The following ITPR1 variants were observed in gnomAD, a reference collection of about 807,000 sequenced individuals.
ITPR1 encodes the protein inositol 1,4,5-trisphosphate receptor type 1, also known as inositol 1,4,5-trisphosphate-gated calcium channel ITPR1.
Under a neutral mutation model 318.4 loss-of-function variants are expected in ITPR1, and 96 were observed. The observed-to-expected ratio is 0.30, with a 90% CI of 0.26 to 0.36. The LOEUF is 0.36. ITPR1 is among the 10% of genes least tolerant of loss of function. The pLI is 1.00. For synonymous variants in ITPR1, 1,312 were observed against 1,289.9 expected (o/e 1.02, Z -0.37); for missense variants, 2,440 against 3,460.2 (o/e 0.71, Z 7.40).
At chr3:4,598,756 T>C (rs1241871846) in intron 4 of ITPR1, among the ~76,000 whole-genome samples, 1 of 152,254 alleles carries the variant, frequency 6.6e-6, no homozygotes, top group Non-Finnish European at 1.5e-5. Context: ...TGTCCCAATG[T>C]AGTTTTCCAA....
At chr3:4,531,101 C>T (rs1262926532) in intron 4 of ITPR1, among the ~76,000 whole-genome samples, 1 of 152,090 alleles carries the variant, frequency 6.6e-6, no homozygotes, top group African/African-American at 2.4e-5. Context: ...GCACCCTGAA[C>T]CCACAGAGGG....
At chr3:4,727,069 CAGATGGT>C in intron 41 of ITPR1, 50 bp from the exon 42 acceptor site, 1 of 1,289,652 alleles carries the variant, frequency 7.8e-7, no homozygotes, top group Non-Finnish European at 1.1e-6. Context: ...ACTGATGCTG[CAGATGGT>C]AGTGTCTCCT....
Position 4,735,223 on chromosome 3 carries a change from T to C in ITPR1, c.5413T>C (p.Cys1805Arg), listed in dbSNP as rs1377176027. The C allele has an allele frequency of 2.5e-6, 4 of 1,613,982 alleles. No individual in the cohort carries two copies. The highest frequency in any genetic ancestry group is 1.7e-5 in the Admixed American group (1 of 60,024). The change falls in exon 44 of 62, where the codon TGT becomes CGT. Residue 1805 changes from cysteine (C) to arginine (R), a missense_variant. Around this residue, in one of 23 missense-constraint regions of ITPR1, gnomAD observed 80 missense variants for 122.0 expected, o/e 0.66. Coordinates refer to ENST00000649015, the MANE Select transcript of ITPR1 (RefSeq NM_001378452.1). ...TGAGATGAGTCTGGCCGAGGTTCAG[T>C]GTCACCTTGACAAGGAGGGGGCTTC... Reference protein sequence around the residue: ...RGEMSLAEVQCHLDKEGASNL... With the variant: ...RGEMSLAEVQRHLDKEGASNL...
At chr3:4,512,965 G>C (rs553331492) in intron 2 of ITPR1, among the ~76,000 whole-genome samples, 1 of 151,594 alleles carries the variant, frequency 6.6e-6, no homozygotes, top group Admixed American at 6.6e-5. Context: ...CCGAGCCCTC[G>C]GTGTCTGTAA....
chr3:4,592,057 C>T (rs1013927322), intron 4 of ITPR1, among the ~76,000 whole-genome samples: 3 of 152,106 alleles, frequency 2.0e-5, no homozygotes, highest in Non-Finnish European at 4.4e-5. Flanking sequence ...TAATTCCGAG[C>T]TGGGGTTCCG....
At chr3:4,647,368 C>G (rs998246198) in intron 10 of ITPR1, among the ~76,000 whole-genome samples, 1 of 152,196 alleles carries the variant, frequency 6.6e-6, no homozygotes, top group Non-Finnish European at 1.5e-5. Context: ...TATTTGTACA[C>G]AAGTTTCTGT....
At chr3:4,751,937 C>T (rs1357787851) in intron 44 of ITPR1, among the ~76,000 whole-genome samples, 1 of 152,192 alleles carries the variant, frequency 6.6e-6, no homozygotes, top group Admixed American at 6.5e-5. Context: ...CTCCTTTTCA[C>T]GGAGAAATCT....
At position 4,645,789 on chromosome 3, in the gene ITPR1, C is replaced by CTT. The variant is rs761572446; in HGVS notation, c.855+62_855+63insTT. 2.1e-6 allele frequency: 3 copies of CTT among 1,459,654 alleles called. No individual in the cohort carries two copies. The African/African-American group carries it at 4.2e-5, about 20-fold the overall frequency. The allele number at this position is 1,459,654 out of a possible 1,614,324, so 90.4% of individuals were successfully genotyped here. A position where few individuals can be genotyped will look rare whatever the true frequency, so the allele number is the denominator to read the frequency against. ...GAGGATATCAGCCTGTATATAGGCT[C>CTT]TCTCTCTCTCTATCCTACAAATATT... On this transcript the variant is annotated intron_variant, in intron 10 of 61. Transcript: ENST00000649015.
At chr3:4,564,268 A>C (rs921692381) in intron 4 of ITPR1, among the ~76,000 whole-genome samples, 1 of 152,050 alleles carries the variant, frequency 6.6e-6, no homozygotes, top group African/African-American at 2.4e-5. Context: ...AAGGCATAGG[A>C]AGAAATCCGT....
chr3:4,784,886 G>A (rs928273904), intron 51 of ITPR1, among the ~76,000 whole-genome samples: 1 of 151,966 alleles, frequency 6.6e-6, no homozygotes, highest in Non-Finnish European at 1.5e-5. Flanking sequence ...GACAGAGCAA[G>A]CTGTCTCAAA....
At chr3:4,811,535 C>A in intron 56 of ITPR1, 75 bp downstream of exon 56, 2 of 1,229,172 alleles carry the variant, frequency 1.6e-6, no homozygotes, top group East Asian at 2.3e-5. Context: ...AAGAAAATAA[C>A]GACTTTAGTA....
chr3:4,805,858 C>T (rs2048519551), intron 54 of ITPR1, among the ~76,000 whole-genome samples: 2 of 152,154 alleles, frequency 1.3e-5, no homozygotes, highest in South Asian at 4.1e-4. Context: ...AGAAATGCTA[C>T]TTGATTACTG....
intron 52 of ITPR1, among the ~76,000 whole-genome samples, chr3:4,789,244 C>T (rs916573777): frequency 4.6e-5 from 7 of 152,146 alleles, no homozygotes; most frequent in African/African-American, 1.2e-4. Context: ...AGTGTCTGAC[C>T]GAGGGGCCAG....
At chr3:4,494,829 T>A (rs945484367) in intron 2 of ITPR1, among the ~76,000 whole-genome samples, 7 of 152,346 alleles carry the variant, frequency 4.6e-5, no homozygotes, top group Admixed American at 3.9e-4. Context: ...TTCTGAAGGA[T>A]ACAGTGCATT....
intron 3 of ITPR1, among the ~76,000 whole-genome samples, chr3:4,520,070 G>C (rs1175252427): frequency 6.6e-6 from 1 of 152,158 alleles, no homozygotes; most frequent in African/African-American, 2.4e-5. Context: ...TTGCATTTGG[G>C]ATGAGAGGAG....
At chr3:4,652,058 C>A in intron 10 of ITPR1, 65 bp from the exon 11 acceptor site, 2 of 1,237,028 alleles carry the variant, frequency 1.6e-6, no homozygotes, top group Non-Finnish European at 2.3e-6. Flanking sequence ...CTTGTGATAC[C>A]TCCGATTTAA....
At position 4,520,699 on chromosome 3, in the gene ITPR1, C is replaced by G. The variant is rs556123604; in HGVS notation, c.93-325C>G. Among the ~76,000 whole-genome samples the G allele has an allele frequency of 8.1e-4, 124 of 152,318 alleles. 1 individual carries two copies. The highest frequency in any genetic ancestry group is 1.3e-3 in the Non-Finnish European group (91 of 68,024). ...GGCACAAAGTCAGCTCCTCAGCTAC[C>G]CTTAGTTGAATGCAACAGCCCCTTG... On this transcript the variant is annotated intron_variant, in intron 3 of 61. Transcript: ENST00000649015.
intron 4 of ITPR1, among the ~76,000 whole-genome samples, chr3:4,600,651 G>C (rs1382477281): frequency 6.6e-6 from 1 of 152,194 alleles, no homozygotes; most frequent in African/African-American, 2.4e-5. Context: ...GGACTGTTTA[G>C]TAACTGTAAT....
chr3:4,668,440 A>C (rs368544826), intron 18 of ITPR1, among the ~76,000 whole-genome samples: 1 of 151,794 alleles, frequency 6.6e-6, no homozygotes, highest in African/African-American at 2.4e-5. Flanking sequence ...TGTTGTTGCA[A>C]ATGACTGGAT....
Sources: gnomAD v4.1 joint callset for allele counts (sites outside exome capture counted in the v4.1 genomes callset) on GRCh38, gnomAD v4.1.1 for gene constraint, gnomAD v4.1.1 regional missense constraint, MANE v1.5 for transcripts, NCBI Gene and HGNC (gene_info 2026-07-23, HGNC 2026-07-21) for gene names.